Variants in CPEB4 observed in about 807,000 individuals in gnomAD.
The protein encoded by CPEB4 is cytoplasmic polyadenylation element-binding protein 4.
Under a neutral mutation model 72.5 loss-of-function variants are expected in CPEB4, and 12 were observed. The ratio of observed to expected loss-of-function variants is 0.17; its 90% CI spans 0.11 to 0.27. The LOEUF is 0.27. Among genes scored for constraint, CPEB4 ranks in the 10% least tolerant of loss-of-function variants. The probability of loss-of-function intolerance (pLI) is 1.00; values close to 1 mark genes in which losing one functional copy is unlikely to be tolerated. For synonymous variants in CPEB4, 302 were observed against 326.3 expected (o/e 0.93, Z 0.80); for missense variants, 614 against 908.5 (o/e 0.68, Z 4.17).
intron 2 of CPEB4, among the ~76,000 whole-genome samples, chr5:173,917,902 G>C (rs1756931102): frequency 6.6e-6 from 1 of 152,194 alleles, no homozygotes; most frequent in African/African-American, 2.4e-5. Context: ...GCCGGCAGCT[G>C]CCTGCGTGTC....
intron 2 of CPEB4, among the ~76,000 whole-genome samples, chr5:173,930,368 A>G (rs1375395431): frequency 1.3e-5 from 2 of 152,060 alleles, no homozygotes; most frequent in East Asian, 1.9e-4. Context: ...CCATCCCCCA[A>G]GTTTTTAACA....
chr5:173,923,595 TAGG>T (rs1461759146), intron 2 of CPEB4, among the ~76,000 whole-genome samples: 1 of 152,210 alleles, frequency 6.6e-6, no homozygotes, highest in Non-Finnish European at 1.5e-5. Flanking sequence ...TTTTGCAAGG[TAGG>T]AGAATTTTAA....
chr5:173,952,021 G>A (rs903893871), intron 8 of CPEB4, 83 bp downstream of exon 8: 13 of 909,004 alleles, frequency 1.4e-5, no homozygotes, highest in Non-Finnish European at 2.2e-5. Context: ...CCTAAGAATT[G>A]GAGTTAATAT....
rs372959919 is a variant in CPEB4, at chr5:173,903,082, A to G, written c.1126-7441A>G. 5.3e-4 allele frequency among the ~76,000 whole-genome samples: 80 copies of G among 151,100 alleles called. 2 individuals carry two copies. The highest frequency in any genetic ancestry group is 7.0e-3 in the Middle Eastern group (2 of 286). ...AATGAAAAAAAAAAAAAAAAGCTATATGCTTAAGATATGGGGTATATGGAT... is the reference window on the plus strand; with the variant it reads ...AATGAAAAAAAAAAAAAAAAGCTATGTGCTTAAGATATGGGGTATATGGAT... On this transcript the variant is annotated intron_variant, in intron 1 of 9. Transcript: ENST00000265085.
At chr5:173,947,710 G>T (rs1309410577) in intron 5 of CPEB4, among the ~76,000 whole-genome samples, 1 of 152,168 alleles carries the variant, frequency 6.6e-6, no homozygotes, top group Admixed American at 6.6e-5. Flanking sequence ...ATAAATTTGT[G>T]TTTGGGCGTG....
intron 2 of CPEB4, among the ~76,000 whole-genome samples, chr5:173,929,858 T>A (rs1232971957): frequency 6.6e-6 from 1 of 152,228 alleles, no homozygotes; most frequent in Non-Finnish European, 1.5e-5. Flanking sequence ...TTTCAACTAA[T>A]GTTATCAAAT....
chr5:173,942,825 G>A (rs1757893392), intron 3 of CPEB4, among the ~76,000 whole-genome samples: 1 of 152,142 alleles, frequency 6.6e-6, no homozygotes, highest in African/African-American at 2.4e-5. Context: ...CAGTGTCCTT[G>A]AAGAAATTTT....
Position 173,915,384 on chromosome 5 carries a change from G to A in CPEB4, c.1207+4780G>A, listed in dbSNP as rs1374586894. Reference sequence around the variant, plus strand: ...TATGTACAGGGATTTAGCTCTTTGTGCGGTGGGGAAAGGGTTCTCCTCATT... The same window carrying A: ...TATGTACAGGGATTTAGCTCTTTGTACGGTGGGGAAAGGGTTCTCCTCATT... On this transcript the variant is annotated intron_variant, in intron 2 of 9. Transcript: ENST00000265085. Among the ~76,000 whole-genome samples, 5 of 151,996 alleles carry A rather than the reference G, an allele frequency of 3.3e-5. 1 individual carries two copies. Among genetic ancestry groups the A allele is most frequent in the Non-Finnish European group, 7.4e-5 (5 of 68,014 alleles).
chr5:173,949,850 T>A, intron 6 of CPEB4, 110 bp from the exon 7 acceptor site: 2 of 829,494 alleles, frequency 2.4e-6, no homozygotes, highest in Non-Finnish European at 2.0e-6. Flanking sequence ...TTGTTTTAAT[T>A]TTTTTCCTAT....
At chr5:173,911,687 T>TTG (rs1262457397) in intron 2 of CPEB4, among the ~76,000 whole-genome samples, 2 of 151,024 alleles carry the variant, frequency 1.3e-5, no homozygotes, top group Non-Finnish European at 3.0e-5. Context: ...GCAGGTTTTT[T>TTG]TTTTTTTTTT....
At chr5:173,949,865 T>C in intron 6 of CPEB4, 95 bp from the exon 7 acceptor site, 1 of 890,696 alleles carries the variant, frequency 1.1e-6, no homozygotes, top group Non-Finnish European at 1.8e-6. Flanking sequence ...TCCTATTCCT[T>C]TTTCCTTTCT....
chr5:173,916,330 T>G (rs1756867927), intron 2 of CPEB4, among the ~76,000 whole-genome samples: 1 of 152,220 alleles, frequency 6.6e-6, no homozygotes, highest in African/African-American at 2.4e-5. Context: ...GTTTCAGGCA[T>G]TTCAAGTACT....
intron 1 of CPEB4, among the ~76,000 whole-genome samples, chr5:173,905,013 TAATAA>T (rs1373462405): frequency 7.0e-5 from 7 of 99,932 alleles, no homozygotes; most frequent in Non-Finnish European, 1.7e-4. Context: ...ATAATAATAA[TAATAA>T]AAAAATGTAA....
At position 173,959,711 on chromosome 5, in the gene CPEB4, A is replaced by C. The variant is rs1356041744; in HGVS notation, c.*3574A>C. ...TAATGTAAATTTGAGATTATTTTTA[A>C]AAATGGAATAAAAGAGGTTTTGGTC... On this transcript the variant is annotated 3_prime_UTR_variant, in exon 10 of 10. Coordinates refer to ENST00000265085, the MANE Select transcript of CPEB4 (RefSeq NM_030627.4). The C allele has an allele frequency of 1.3e-5, 2 of 152,640 alleles. No homozygotes were observed. Among genetic ancestry groups the C allele is most frequent in the African/African-American group, 4.8e-5 (2 of 41,468 alleles). 9.5% of individuals were successfully genotyped at this position (152,640 alleles called of 1,614,324 possible). A position where few individuals can be genotyped will look rare whatever the true frequency, so the allele number is the denominator to read the frequency against.
At chr5:173,911,348 C>T (rs1305897488) in intron 2 of CPEB4, among the ~76,000 whole-genome samples, 3 of 151,744 alleles carry the variant, frequency 2.0e-5, no homozygotes, top group Non-Finnish European at 4.4e-5. Context: ...CTGCAAGCTC[C>T]GCCTCCCAGG....
intron 1 of CPEB4, among the ~76,000 whole-genome samples, chr5:173,896,985 G>A (rs757334219): frequency 1.2e-4 from 18 of 152,158 alleles, no homozygotes; most frequent in Non-Finnish European, 2.1e-4. Context: ...GCCATATTAG[G>A]TTGATTAACT....
At chr5:173,910,373 G>A (rs183397681) in intron 1 of CPEB4, 150 bp from the exon 2 acceptor site, 52 of 579,126 alleles carry the variant, frequency 9.0e-5, no homozygotes, top group Admixed American at 4.1e-4. Context: ...TTGATGTTTG[G>A]TGTTAATAAT....
intron 1 of CPEB4, among the ~76,000 whole-genome samples, chr5:173,909,806 C>G (rs1756577203): frequency 6.6e-6 from 1 of 151,858 alleles, no homozygotes; most frequent in Non-Finnish European, 1.5e-5. Flanking sequence ...CAAGACCAGC[C>G]TGGCCAACAT....
intron 3 of CPEB4, among the ~76,000 whole-genome samples, chr5:173,937,872 T>G (rs2113255228): frequency 6.6e-6 from 1 of 152,370 alleles, no homozygotes; most frequent in East Asian, 1.9e-4. Context: ...ATTCTTTGAA[T>G]GTTGTTGTAC....
Sources: gnomAD v4.1 joint callset for allele counts (sites outside exome capture counted in the v4.1 genomes callset) on GRCh38, gnomAD v4.1.1 for gene constraint, MANE v1.5 for transcripts, NCBI Gene and HGNC (gene_info 2026-07-23, HGNC 2026-07-21) for gene names.